DDX59: variants seen among roughly 807,000 people sequenced by gnomAD.
DDX59 encodes DEAD-box helicase 59, also known as probable ATP-dependent RNA helicase DDX59.
Under a neutral mutation model 51.9 loss-of-function variants are expected in DDX59, and 30 were observed. The ratio of observed to expected loss-of-function variants is 0.58; its 90% CI spans 0.43 to 0.78. DDX59 has a LOEUF of 0.78. Among genes scored for constraint, DDX59 ranks in the 30% least tolerant of loss-of-function variants. DDX59 has a pLI of 0.00. For missense variants in DDX59, 672 were observed against 730.8 expected (o/e 0.92, Z 0.93); for synonymous variants, 255 against 253.3 (o/e 1.01, Z -0.06).
downstream of DDX59, chr1:200,641,042 A>G: frequency 1.9e-6 from 1 of 521,094 alleles, no homozygotes; most frequent in East Asian, 7.0e-5. Context: ...CATTGTAAGT[A>G]TGCCTTGGCG....
chr1:200,657,249 CAAAAAAAAAA>C (rs147751957), intron 4 of DDX59, among the ~76,000 whole-genome samples: 1 of 77,668 alleles, frequency 1.3e-5, no homozygotes, highest in Admixed American at 1.5e-4. Flanking sequence ...AAACTGTCTA[CAAAAAAAAAA>C]AAAAAAAAAA....
At chr1:200,642,288 A>G (rs1406492326), downstream of DDX59, among the ~76,000 whole-genome samples, 2 of 152,150 alleles carry the variant, frequency 1.3e-5, no homozygotes, top group Non-Finnish European at 2.9e-5. Context: ...ATTCTCACAA[A>G]AATCTATTAT....
At chr1:200,654,074 C>T (rs1191391519) in intron 4 of DDX59, among the ~76,000 whole-genome samples, 1 of 152,144 alleles carries the variant, frequency 6.6e-6, no homozygotes, top group Admixed American at 6.6e-5. Flanking sequence ...CTTCCTATGT[C>T]AGGCAACTTA....
chr1:200,651,080 A>G (rs181856182), intron 4 of DDX59, among the ~76,000 whole-genome samples: 173 of 152,254 alleles, frequency 1.1e-3, no homozygotes, highest in Non-Finnish European at 1.6e-3. Flanking sequence ...CAAGATACCT[A>G]TTTATGCTAC....
At position 200,651,957 on chromosome 1, in the gene DDX59, G is replaced by A. The variant is rs537289090; in HGVS notation, c.1063-1281C>T. ...CGAGAGGCGGAGCTTGCAGTGAGCCGAGATCGTGCCAGTGCACTCCAGCCT... is the reference window on the plus strand; with the variant it reads ...CGAGAGGCGGAGCTTGCAGTGAGCCAAGATCGTGCCAGTGCACTCCAGCCT... On this transcript the variant is annotated intron_variant, in intron 4 of 7. Transcript: ENST00000331314. Among the ~76,000 whole-genome samples, 36 of 146,618 alleles carry A rather than the reference G, an allele frequency of 2.5e-4. No homozygotes were observed. The South Asian group carries it at 6.9e-3, about 28-fold the overall frequency.
At position 200,659,017 on chromosome 1, in the gene DDX59, CA is replaced by C. The variant is rs767644156; in HGVS notation, c.1062+9del. 17 of 1,590,450 alleles carry C rather than the reference CA, an allele frequency of 1.1e-5. No individual in the cohort carries two copies. The Admixed American group carries it at 1.4e-4, about 13-fold the overall frequency. ...AATCATGTAACTGTTTTTTAAATAC[CA>C]CTACTTACTTCATCTACTACCACAA... On this transcript the variant is annotated intron_variant, in intron 4 of 7. Coordinates refer to ENST00000331314, the MANE Select transcript of DDX59 (RefSeq NM_001031725.6).
At chr1:200,651,241 A>G (rs1454437121) in intron 4 of DDX59, among the ~76,000 whole-genome samples, 1 of 152,102 alleles carries the variant, frequency 6.6e-6, no homozygotes, top group Non-Finnish European at 1.5e-5. Flanking sequence ...CATTTATAAT[A>G]AAATATTATT....
At position 200,659,020 on chromosome 1, in the gene DDX59, T is replaced by G. The variant is rs999191688; in HGVS notation, c.1062+7A>C. 6.2e-7 allele frequency: 1 copy of G among 1,601,458 alleles called. No individual in the cohort carries two copies. The highest frequency in any genetic ancestry group is 8.5e-7 in the Non-Finnish European group (1 of 1,171,666). On this transcript the variant is annotated splice_region_variant and intron_variant, in intron 4 of 7. Coordinates refer to ENST00000331314, the MANE Select transcript of DDX59 (RefSeq NM_001031725.6). ...CATGTAACTGTTTTTTAAATACCACTACTTACTTCATCTACTACCACAATC... is the reference window on the plus strand; with the variant it reads ...CATGTAACTGTTTTTTAAATACCACGACTTACTTCATCTACTACCACAATC...
chr1:200,648,302 CT>C (rs1661425220), intron 7 of DDX59, 136 bp downstream of exon 7: 5 of 1,203,186 alleles, frequency 4.2e-6, no homozygotes, highest in Non-Finnish European at 5.7e-6. Flanking sequence ...CCGCGATGGC[CT>C]TCCAAAGTGC....
chr1:200,641,137 C>A, downstream of DDX59: 1 of 1,297,210 alleles, frequency 7.7e-7, no homozygotes, highest in Non-Finnish European at 1.0e-6. Flanking sequence ...ACCTCTTGTA[C>A]CATACCTCTG....
chr1:200,666,837 G>A, intron 1 of DDX59, 86 bp from the exon 2 acceptor site: 1 of 1,377,320 alleles, frequency 7.3e-7, no homozygotes, highest in Non-Finnish European at 9.8e-7. Flanking sequence ...ACAAGGTGCG[G>A]TGGCTCACCC....
chr1:200,648,695 A>G, intron 6 of DDX59, 128 bp from the exon 7 acceptor site: 1 of 1,100,156 alleles, frequency 9.1e-7, no homozygotes, highest in Non-Finnish European at 1.3e-6. Context: ...CAATAAGTAA[A>G]GGTCATAGTA....
intron 7 of DDX59, among the ~76,000 whole-genome samples, chr1:200,648,030 T>TG (rs113134173): frequency 0.041 from 1,108 of 27,026 alleles, 13 homozygotes; most frequent in East Asian, 0.096. Flanking sequence ...TGCTTTTTTT[T>TG]GGGGGGGGGG....
intron 1 of DDX59, among the ~76,000 whole-genome samples, chr1:200,667,441 T>C (rs1263881215): frequency 6.6e-6 from 1 of 152,164 alleles, no homozygotes; most frequent in East Asian, 1.9e-4. Context: ...ATGACACTCT[T>C]TATATCAAGC....
At position 200,666,363 on chromosome 1, in the gene DDX59, C is replaced by A; in HGVS notation, c.378G>T (p.Val126=). ...GTTTCGCTTTACACTCCAAACTACA[C>A]ACATCTTCATCTGTCTTATCACAGA... is the stretch of plus-strand genomic sequence containing the variant. ...EYICDKTDED[V]CSLECKAKHL... Residue 126 remains valine, a synonymous_variant, in exon 2 of 8, where the codon GTG becomes GTT. Transcript: ENST00000331314. The A allele has an allele frequency of 6.2e-7, 1 of 1,614,234 alleles. No homozygotes were observed. The highest frequency in any genetic ancestry group is 8.5e-7 in the Non-Finnish European group (1 of 1,180,046).
rs1054498929 is a variant in DDX59, at chr1:200,669,816, C to A, written c.-61G>T. On this transcript the variant is annotated 5_prime_UTR_variant, in exon 1 of 8. Coordinates refer to ENST00000331314, the MANE Select transcript of DDX59 (RefSeq NM_001031725.6). The stretch of plus-strand genomic sequence containing the variant: ...GCTCCCGCTCCCGCTCGGGCCGTCT[C>A]CCCCTTCCAGGCTCCAGGCCAGGCT... 1.3e-5 allele frequency: 2 copies of A among 152,710 alleles called. No homozygotes were observed. The highest frequency in any genetic ancestry group is 6.5e-5 in the Admixed American group (1 of 15,292). The allele number at this position is 152,710 out of a possible 1,614,324, so 9.5% of individuals were successfully genotyped here.
chr1:200,659,040 A>G lies in DDX59; in HGVS notation c.1049T>C (p.Val350Ala). 5 of 1,612,260 alleles carry G rather than the reference A, an allele frequency of 3.1e-6. No individual in the cohort carries two copies. The highest frequency in any genetic ancestry group is 3.4e-6 in the Non-Finnish European group (4 of 1,179,260). The change falls in exon 4 of 8, where the codon GTG becomes GCG. Residue 350 changes from valine to alanine, a missense_variant. Val to Ala is a moderately conservative substitution (Grantham distance 64). Transcript: ENST00000331314. Reference protein sequence around the residue: ...SSVELCGVKIVVVDEADTMLK... With the variant: ...SSVELCGVKIAVVDEADTMLK... ...ACCACTACTTACTTCATCTACTACCACAATCTTTACACCACAGAGTTCTAC... is the reference window on the plus strand; with the variant it reads ...ACCACTACTTACTTCATCTACTACCGCAATCTTTACACCACAGAGTTCTAC...
chr1:200,644,545 A>C, intron 7 of DDX59, 28 bp from the exon 8 acceptor site: 1 of 1,539,852 alleles, frequency 6.5e-7, no homozygotes, highest in South Asian at 1.3e-5. Context: ...GAACATTTTC[A>C]AGATGTCCAT....
At chr1:200,655,176 A>G (rs1296661343) in intron 4 of DDX59, 1 of 152,184 alleles carries the variant, frequency 6.6e-6, no homozygotes, top group Non-Finnish European at 1.5e-5. Context: ...AAACTCAAAC[A>G]TTACTACCAA....
Sources: allele counts gnomAD v4.1 joint callset (sites outside exome capture counted in the v4.1 genomes callset), GRCh38; gene constraint gnomAD v4.1.1; transcripts MANE v1.5; gene names NCBI Gene and HGNC (gene_info 2026-07-23, HGNC 2026-07-21).